SLC24A2: variants seen among roughly 807,000 people sequenced by gnomAD.
The protein encoded by SLC24A2 is solute carrier family 24 member 2.
Under a neutral mutation model 62.0 loss-of-function variants are expected in SLC24A2, and 36 were observed. That is an observed-to-expected ratio of 0.58 (90% CI 0.44 to 0.77). The LOEUF (loss-of-function observed/expected upper bound fraction) is 0.77. SLC24A2 is among the 30% of genes least tolerant of loss of function. The pLI, the probability that SLC24A2 is intolerant of heterozygous loss-of-function variation, is 0.00. For missense variants in SLC24A2, 846 were observed against 817.9 expected, an observed-to-expected ratio of 1.03 and a Z score of -0.42; for synonymous variants, 358 against 294.0, an observed-to-expected ratio of 1.22 and a Z score of -2.23.
the SLC24A2 span, among the ~76,000 whole-genome samples, chr9:19,829,842 T>C: frequency 7.3e-5 from 10 of 137,546 alleles, no homozygotes; most frequent in South Asian, 2.3e-4. Context: ...CACACACACA[T>C]ATATAGAACT....
chr9:20,072,064 C>A, the SLC24A2 span, among the ~76,000 whole-genome samples: 15 of 152,076 alleles, frequency 9.9e-5, no homozygotes, highest in African/African-American at 3.6e-4. Flanking sequence ...ATGAGTTGTT[C>A]TTTACCTTTC....
the SLC24A2 span, among the ~76,000 whole-genome samples, chr9:20,051,384 A>T: frequency 1.3e-5 from 2 of 152,278 alleles, no homozygotes; most frequent in African/African-American, 4.8e-5. Flanking sequence ...GAAGAAACAG[A>T]TAATAATCAT....
chr9:19,972,546 T>G, the SLC24A2 span, among the ~76,000 whole-genome samples: 1 of 152,140 alleles, frequency 6.6e-6, no homozygotes. Flanking sequence ...CCTGGACGTG[T>G]GGCAGGCTGT....
chr9:20,104,069 C>T, the SLC24A2 span, among the ~76,000 whole-genome samples: 2 of 151,936 alleles, frequency 1.3e-5, no homozygotes, highest in Non-Finnish European at 2.9e-5. Context: ...CCTCAGCAGC[C>T]GATGCGATCA....
At chr9:20,235,847 C>G in the SLC24A2 span, among the ~76,000 whole-genome samples, 1 of 152,194 alleles carries the variant, frequency 6.6e-6, no homozygotes, top group East Asian at 1.9e-4. Flanking sequence ...TAGACCGGAG[C>G]TGTTCCCATT....
At chr9:19,987,485 T>C in the SLC24A2 span, among the ~76,000 whole-genome samples, 1 of 152,172 alleles carries the variant, frequency 6.6e-6, no homozygotes, top group African/African-American at 2.4e-5. Context: ...TCTAGGAACA[T>C]ATAGCAAATC....
the SLC24A2 span, among the ~76,000 whole-genome samples, chr9:20,295,707 C>T: frequency 6.6e-6 from 1 of 152,182 alleles, no homozygotes; most frequent in African/African-American, 2.4e-5. Flanking sequence ...GGGACTTACA[C>T]CAGTGGCACT....
chr9:19,996,776 A>C, the SLC24A2 span, among the ~76,000 whole-genome samples: 2 of 150,530 alleles, frequency 1.3e-5, no homozygotes, highest in African/African-American at 4.9e-5. Context: ...AAGGAGATCC[A>C]TCATGATTAT....
chr9:19,625,294 TATAA>T (rs564137694), intron 2 of SLC24A2, among the ~76,000 whole-genome samples: 2 of 152,120 alleles, frequency 1.3e-5, no homozygotes, highest in Non-Finnish European at 2.9e-5. Flanking sequence ...AACAAATTCC[TATAA>T]ATAAATAAAT....
chr9:20,188,325 C>A, the SLC24A2 span, among the ~76,000 whole-genome samples: 24 of 152,204 alleles, frequency 1.6e-4, no homozygotes, highest in Admixed American at 1.2e-3. Context: ...AGTGGGCCAG[C>A]CTTAACAATA....
the SLC24A2 span, among the ~76,000 whole-genome samples, chr9:20,037,106 C>T: frequency 6.6e-6 from 1 of 152,032 alleles, no homozygotes. Context: ...CCATGTTGGC[C>T]AGGCTGGTCT....
chr9:19,646,992 C>A (rs1167299029), intron 2 of SLC24A2, among the ~76,000 whole-genome samples: 2 of 151,340 alleles, frequency 1.3e-5, no homozygotes, highest in Non-Finnish European at 2.9e-5. Flanking sequence ...TCACCATTTT[C>A]ATGAATCATT....
chr9:20,059,639 A>G, the SLC24A2 span, among the ~76,000 whole-genome samples: 2 of 152,286 alleles, frequency 1.3e-5, no homozygotes, highest in East Asian at 1.9e-4. Context: ...TAGGAGATGC[A>G]GTAAACACAG....
chr9:20,148,469 A>G, the SLC24A2 span, among the ~76,000 whole-genome samples: 2 of 152,108 alleles, frequency 1.3e-5, no homozygotes, highest in African/African-American at 4.8e-5. Context: ...TCCTGCAATC[A>G]GAGCTGGATG....
At chr9:20,277,562 G>A in the SLC24A2 span, among the ~76,000 whole-genome samples, 2 of 151,968 alleles carry the variant, frequency 1.3e-5, no homozygotes, top group South Asian at 2.1e-4. Context: ...AGTTAGAATG[G>A]CAATCATTAA....
At chr9:19,793,912 A>G (rs1250226933), upstream of SLC24A2, among the ~76,000 whole-genome samples, 1 of 152,240 alleles carries the variant, frequency 6.6e-6, no homozygotes, top group Admixed American at 6.5e-5. Context: ...TCACAGATAT[A>G]AATATCAAAA....
intron 2 of SLC24A2, among the ~76,000 whole-genome samples, chr9:19,749,672 T>C (rs1821928070): frequency 6.6e-6 from 1 of 152,212 alleles, no homozygotes; most frequent in Admixed American, 6.5e-5. Flanking sequence ...GAATCATTTT[T>C]AGTATGTCCC....
At chr9:20,255,703 T>C in the SLC24A2 span, among the ~76,000 whole-genome samples, 1 of 152,138 alleles carries the variant, frequency 6.6e-6, no homozygotes, top group Non-Finnish European at 1.5e-5. Flanking sequence ...ATCTTTAGAG[T>C]TGGTCCTAGA....
chr9:19,770,267 A>G (rs75309187), intron 2 of SLC24A2, among the ~76,000 whole-genome samples: 13,271 of 151,680 alleles, frequency 0.087, 907 homozygotes, highest in African/African-American at 0.19. Flanking sequence ...TTGGTTTTGG[A>G]TCTCGGTTCT....
Sources: gnomAD v4.1 joint callset for allele counts (sites outside exome capture counted in the v4.1 genomes callset) on GRCh38, gnomAD v4.1.1 for gene constraint, MANE v1.5 for transcripts, NCBI Gene and HGNC (gene_info 2026-07-23, HGNC 2026-07-21) for gene names.